Variants in DMD observed in about 807,000 individuals in gnomAD.
DMD encodes mutant dystrophin.
DMD carries 63 observed loss-of-function variants against 330.1 expected under a neutral mutation model. The observed-to-expected ratio is 0.19, with a 90% confidence interval of 0.16 to 0.24. DMD has a LOEUF of 0.24. DMD is among the 10% of genes least tolerant of loss of function. The pLI, the probability that DMD is intolerant of heterozygous loss-of-function variation, is 1.00. For synonymous variants in DMD, 1,223 were observed against 959.8 expected (o/e 1.27, Z -5.07); for missense variants, 3,344 against 2,684.1 (o/e 1.25, Z -5.43).
intron 60 of DMD, among the ~76,000 whole-genome samples, chrX:31,413,424 T>C (rs1381857736): frequency 8.9e-6 from 1 of 112,556 alleles, no homozygotes; most frequent in Non-Finnish European, 1.9e-5. Flanking sequence ...TATCCCAGTC[T>C]GTTATAATCT....
At chrX:32,781,307 A>T (rs905997242) in intron 7 of DMD, among the ~76,000 whole-genome samples, 1 of 110,917 alleles carries the variant, frequency 9.0e-6, no homozygotes, top group Non-Finnish European at 1.9e-5. Context: ...ATTAAGTGAG[A>T]ATTATTTTTT....
At chrX:32,594,091 T>G (rs961890047) in intron 13 of DMD, among the ~76,000 whole-genome samples, 1 of 112,881 alleles carries the variant, frequency 8.9e-6, no homozygotes, top group African/African-American at 3.2e-5. Flanking sequence ...AAAGGTATTT[T>G]AAAGTTAGAG....
intron 60 of DMD, among the ~76,000 whole-genome samples, chrX:31,431,777 A>G (rs2064103804): frequency 9.5e-6 from 1 of 105,578 alleles, no homozygotes; most frequent in Non-Finnish European, 1.9e-5. Flanking sequence ...AACATAAGAC[A>G]AATTAAAATA....
intron 1 of DMD, among the ~76,000 whole-genome samples, chrX:33,091,959 A>AT (rs1180578930): frequency 1.8e-5 from 2 of 111,816 alleles, no homozygotes; most frequent in Non-Finnish European, 3.8e-5. Context: ...TCATGCACTT[A>AT]TTTTTATTTA....
At chrX:32,720,661 T>C (rs2066199735) in intron 7 of DMD, among the ~76,000 whole-genome samples, 1 of 111,903 alleles carries the variant, frequency 8.9e-6, no homozygotes, top group African/African-American at 3.2e-5. Flanking sequence ...ATATTTTAGA[T>C]AAATATTAGA....
chrX:31,626,257 T>C (rs2078840958), intron 55 of DMD, among the ~76,000 whole-genome samples: 1 of 111,649 alleles, frequency 9.0e-6, no homozygotes, highest in Admixed American at 9.6e-5. Flanking sequence ...AGTGCTGGGG[T>C]TACAGGCATG....
At chrX:32,238,296 C>T (rs2097195238) in intron 43 of DMD, among the ~76,000 whole-genome samples, 1 of 111,595 alleles carries the variant, frequency 9.0e-6, no homozygotes, top group South Asian at 3.7e-4. Flanking sequence ...GTTGTCTATG[C>T]TTGCAGCCTC....
intron 51 of DMD, among the ~76,000 whole-genome samples, chrX:31,766,026 A>G (rs2089970321): frequency 9.0e-6 from 1 of 111,466 alleles, no homozygotes; most frequent in Non-Finnish European, 1.9e-5. Flanking sequence ...ACAGACTTTA[A>G]GGACCAAAAG....
Position 32,796,065 on chromosome X carries a change from A to C in DMD, c.649+13428T>G, listed in dbSNP as rs150631344. On this transcript the variant is annotated intron_variant, in intron 7 of 78. Coordinates refer to ENST00000357033, the MANE Select transcript of DMD (RefSeq NM_004006.3). Reference sequence around the variant, plus strand: ...CAGTATGGAGAAGATTTCTCAAAAAACTAAACATAGAAATAGAGTATGTGT... The same window carrying C: ...CAGTATGGAGAAGATTTCTCAAAAACCTAAACATAGAAATAGAGTATGTGT... Among the ~76,000 whole-genome samples, 314 of 110,147 alleles carry C rather than the reference A, an allele frequency of 2.9e-3. 2 individuals carry two copies. The highest frequency in any genetic ancestry group is 9.6e-3 in the African/African-American group (293 of 30,428).
intron 30 of DMD, among the ~76,000 whole-genome samples, chrX:32,409,217 C>A (rs1197875615): frequency 9.0e-6 from 1 of 111,303 alleles, no homozygotes; most frequent in Non-Finnish European, 1.9e-5. Context: ...TTGTATTCTC[C>A]AATATTATGT....
chrX:31,766,873 T>TTGTGTGTGTGTG (rs756777827), intron 51 of DMD, among the ~76,000 whole-genome samples: 3,345 of 101,010 alleles, frequency 0.033, 42 homozygotes, highest in African/African-American at 0.047. Context: ...AAATATGATT[T>TTGTGTGTGTGTG]TGTGTGTGTG....
Position 32,545,348 on chromosome X carries a change from T to C in DMD, c.1993-14A>G. 1 of 1,207,259 alleles carries C rather than the reference T, an allele frequency of 8.3e-7. No individual in the cohort carries two copies. The stretch of plus-strand genomic sequence containing the variant: ...AGCCTGTGAAATCTGTGAGAAGTAT[T>C]GAAACAGAGGTCAGACATTGCTAGA... On this transcript the variant is annotated splice_polypyrimidine_tract_variant and intron_variant, in intron 16 of 78. Transcript: ENST00000357033.
intron 1 of DMD, among the ~76,000 whole-genome samples, chrX:33,118,153 C>T (rs1348260757): frequency 4.8e-5 from 5 of 105,078 alleles, no homozygotes; most frequent in Non-Finnish European, 9.8e-5. Context: ...CTCTGTCGCC[C>T]AGGCTGGAGT....
chrX:32,570,183 G>C (rs1403197093), intron 15 of DMD, among the ~76,000 whole-genome samples: 2 of 111,444 alleles, frequency 1.8e-5, no homozygotes, highest in African/African-American at 6.5e-5. Flanking sequence ...AGAGAAGAGA[G>C]TTTAGCACAG....
chrX:32,551,596 C>G (rs1240104674), intron 16 of DMD, among the ~76,000 whole-genome samples: 1 of 111,606 alleles, frequency 9.0e-6, no homozygotes, highest in East Asian at 2.8e-4. Context: ...GGGGCCCTCT[C>G]TTACAAATCT....
chrX:31,666,496 C>CT (rs768025942), intron 53 of DMD, among the ~76,000 whole-genome samples: 1 of 112,345 alleles, frequency 8.9e-6, no homozygotes, highest in South Asian at 3.7e-4. Flanking sequence ...ATTACTGTAG[C>CT]TTAGCCTATG....
intron 2 of DMD, among the ~76,000 whole-genome samples, chrX:33,013,237 G>T (rs1034702408): frequency 2.7e-5 from 3 of 110,759 alleles, no homozygotes; most frequent in Non-Finnish European, 5.7e-5. Flanking sequence ...TACTCATCTT[G>T]AATACTTGTA....
chrX:31,548,874 G>A (rs77223797), intron 55 of DMD, among the ~76,000 whole-genome samples: 2,116 of 109,643 alleles, frequency 0.019, 46 homozygotes, highest in East Asian at 0.13. Flanking sequence ...TTAAATAGAA[G>A]GACTAGGGCG....
At chrX:32,720,637 T>C (rs1243954629) in intron 7 of DMD, among the ~76,000 whole-genome samples, 1 of 111,601 alleles carries the variant, frequency 9.0e-6, no homozygotes, top group Non-Finnish European at 1.9e-5. Flanking sequence ...TGGTCATACA[T>C]CTCTGGATCT....
Sources: allele counts gnomAD v4.1 joint callset (sites outside exome capture counted in the v4.1 genomes callset), GRCh38; gene constraint gnomAD v4.1.1; transcripts MANE v1.5; gene names NCBI Gene and HGNC (gene_info 2026-07-23, HGNC 2026-07-21).